ZDHHC3: variants seen among roughly 807,000 people sequenced by gnomAD.
The protein encoded by ZDHHC3 is zDHHC palmitoyltransferase 3.
ZDHHC3 carries 9 observed loss-of-function variants against 30.6 expected under a neutral mutation model. The observed-to-expected ratio is 0.29, with a 90% confidence interval of 0.18 to 0.51. ZDHHC3 has a LOEUF of 0.51. ZDHHC3 is among the 20% of genes least tolerant of loss of function. ZDHHC3 has a pLI of 0.97. For synonymous variants in ZDHHC3, 136 were observed against 140.2 expected, an observed-to-expected ratio of 0.97 and a Z score of 0.21; for missense variants, 246 against 384.2, an observed-to-expected ratio of 0.64 and a Z score of 3.01.
chr3:44,970,728 T>A (rs1705338951), intron 1 of ZDHHC3, among the ~76,000 whole-genome samples: 1 of 152,232 alleles, frequency 6.6e-6, no homozygotes, highest in African/African-American at 2.4e-5. Context: ...AAGTACAGCA[T>A]AAAATTACGA....
At position 44,933,268 on chromosome 3, in the gene ZDHHC3, G is replaced by A. The variant is rs1224657216; in HGVS notation, c.529-69C>T. ...TCTGACCTCACGGGCTCCCGGGACA[G>A]GGGCACTCAGAATTTGCCACTCAGG... On this transcript the variant is annotated intron_variant, in intron 4 of 6. Coordinates refer to ENST00000424952, the MANE Select transcript of ZDHHC3 (RefSeq NM_001135179.2). 6 of 1,479,394 alleles carry A rather than the reference G, an allele frequency of 4.1e-6. No homozygotes were observed. The East Asian group carries it at 9.0e-5, about 22-fold the overall frequency. The allele number at this position is 1,479,394 out of a possible 1,614,324, so 91.6% of individuals were successfully genotyped here.
rs879585412 is a variant in ZDHHC3, at chr3:44,915,886, C to G, written c.*10803G>C. 2 of 152,242 alleles carry G rather than the reference C, an allele frequency of 1.3e-5. No homozygotes were observed. Among genetic ancestry groups the G allele is most frequent in the Admixed American group, 1.3e-4 (2 of 15,290 alleles). 9.4% of individuals were successfully genotyped at this position (152,242 alleles called of 1,614,324 possible). On this transcript the variant is annotated 3_prime_UTR_variant, in exon 7 of 7. Transcript: ENST00000424952. ...CCAGGGGGCAGGCATTGCTTCCTCC[C>G]TAGTGTGAACTCTCTGGTATTCCAT...
At position 44,922,974 on chromosome 3, in the gene ZDHHC3, AAG is replaced by A. The variant is rs1700709946; in HGVS notation, c.*3713_*3714del. 5.1e-6 allele frequency: 5 copies of A among 985,242 alleles called. No homozygotes were observed. Among genetic ancestry groups the A allele is most frequent in the Non-Finnish European group, 6.0e-6 (5 of 829,928 alleles). 61.0% of individuals were successfully genotyped at this position (985,242 alleles called of 1,614,324 possible). Reference sequence around the variant, plus strand: ...AAGCTGATGCACTGCAAGTCTTGAAAAGAGAGAAATTTAAAACCCATTAGCCT... The same window carrying A: ...AAGCTGATGCACTGCAAGTCTTGAAAAGAGAAATTTAAAACCCATTAGCCT... On this transcript the variant is annotated 3_prime_UTR_variant, in exon 7 of 7. Coordinates refer to ENST00000424952, the MANE Select transcript of ZDHHC3 (RefSeq NM_001135179.2).
At chr3:44,968,435 C>T (rs1055380259) in intron 1 of ZDHHC3, among the ~76,000 whole-genome samples, 4 of 152,196 alleles carry the variant, frequency 2.6e-5, no homozygotes, top group Admixed American at 2.6e-4. Context: ...TGGTGGCTCC[C>T]GCCTGTAAGG....
Position 44,959,641 on chromosome 3 carries a change from C to G in ZDHHC3, c.-24-181G>C, listed in dbSNP as rs1203147014. Among the ~76,000 whole-genome samples the G allele has an allele frequency of 6.6e-6, 1 of 152,184 alleles. No individual in the cohort carries two copies. Among genetic ancestry groups the G allele is most frequent in the African/African-American group, 2.4e-5 (1 of 41,442 alleles). On this transcript the variant is annotated intron_variant, in intron 1 of 6. Transcript: ENST00000424952. This position sits in a 1 kb window ranked among gnomAD's most constrained non-coding sequence, Gnocchi z 4.3. ...TCCCTGATTCTGAGAGTCAATTTAG[C>G]CTTCTTGAAACAGGGCCTTCACATG...
At chr3:44,958,002 CT>C (rs892921266) in intron 2 of ZDHHC3, among the ~76,000 whole-genome samples, 1 of 152,172 alleles carries the variant, frequency 6.6e-6, no homozygotes, top group Non-Finnish European at 1.5e-5. Flanking sequence ...TGGGAAAACT[CT>C]TTCATATCCT....
chr3:44,973,162 A>C (rs952158717), intron 1 of ZDHHC3, among the ~76,000 whole-genome samples: 1 of 152,200 alleles, frequency 6.6e-6, no homozygotes, highest in Admixed American at 6.5e-5. Flanking sequence ...ATTAAGATTA[A>C]CTATATAGTT....
rs150426468 is a variant in ZDHHC3 at position 44,921,968 on chromosome 3, G to A, written c.*4721C>T. 1.7e-5 allele frequency: 17 copies of A among 985,388 alleles called. No homozygotes were observed. The Admixed American group carries it at 1.8e-4, about 11-fold the overall frequency. The allele number at this position is 985,388 out of a possible 1,614,324, so 61.0% of individuals were successfully genotyped here. On this transcript the variant is annotated 3_prime_UTR_variant, in exon 7 of 7. Transcript: ENST00000424952. The stretch of plus-strand genomic sequence containing the variant: ...CCTCACTCCTTGGATCAGCTTCATC[G>A]GCTCCTCCTGTGGGCCCAACAGAGC...
intron 1 of ZDHHC3, among the ~76,000 whole-genome samples, chr3:44,971,927 T>C (rs186742410): frequency 1.3e-5 from 2 of 152,306 alleles, no homozygotes; most frequent in South Asian, 2.1e-4. Context: ...ATGGGGTCTA[T>C]GTTGCCCAGG....
Position 44,959,447 on chromosome 3 carries a change from G to A in ZDHHC3, c.-11C>T. The A allele has an allele frequency of 6.2e-7, 1 of 1,606,096 alleles. No homozygotes were observed. The highest frequency in any genetic ancestry group is 8.5e-7 in the Non-Finnish European group (1 of 1,173,648). The stretch of plus-strand genomic sequence containing the variant: ...GGGGATAAGCATCATAAGCTATTCT[G>A]TCCATACTGGCATCTGAAAGAGAGA... On this transcript the variant is annotated 5_prime_UTR_variant, in exon 2 of 7. The change creates a premature stop within an existing upstream ORF in the 5' untranslated region. Coordinates refer to ENST00000424952, the MANE Select transcript of ZDHHC3 (RefSeq NM_001135179.2). The surrounding 1 kb of genome is among the most constrained non-coding windows in gnomAD (Gnocchi z 4.3).
At position 44,918,063 on chromosome 3, in the gene ZDHHC3, C is replaced by T; in HGVS notation, c.*8626G>A. ...GGTTGAACCAGTTCAGGGAGAAGTC[C>T]CCACCAAAGGTCTCCTTTACTGACT... On this transcript the variant is annotated 3_prime_UTR_variant, in exon 7 of 7. Transcript: ENST00000424952. 7.7e-7 allele frequency: 1 copy of T among 1,305,374 alleles called. No individual in the cohort carries two copies. The highest frequency in any genetic ancestry group is 1.0e-6 in the Non-Finnish European group (1 of 988,952). 80.9% of individuals were successfully genotyped at this position (1,305,374 alleles called of 1,614,324 possible).
At chr3:44,932,763 T>C (rs551681210) in intron 5 of ZDHHC3, 3 of 710,132 alleles carry the variant, frequency 4.2e-6, no homozygotes, top group South Asian at 1.7e-5. Flanking sequence ...TTGATTTAAG[T>C]GCCTCATGGA....
At chr3:44,946,598 A>T (rs1702957223) in intron 2 of ZDHHC3, among the ~76,000 whole-genome samples, 1 of 152,318 alleles carries the variant, frequency 6.6e-6, no homozygotes, top group African/African-American at 2.4e-5. Flanking sequence ...GCCAGCAGCC[A>T]ATTAATCAGG....
chr3:44,949,429 G>A (rs1450800394), intron 2 of ZDHHC3, among the ~76,000 whole-genome samples: 10 of 152,164 alleles, frequency 6.6e-5, no homozygotes, highest in Admixed American at 6.5e-4. Flanking sequence ...TTTGAGAGCA[G>A]CCTGGGCAAC....
intron 1 of ZDHHC3, among the ~76,000 whole-genome samples, chr3:44,963,146 T>A (rs1189468852): frequency 2.0e-5 from 3 of 152,192 alleles, no homozygotes; most frequent in Non-Finnish European, 4.4e-5. Context: ...AGTAGGACCA[T>A]GAGGTAAGTG....
rs1293840070 is a variant in ZDHHC3, at chr3:44,956,764, TCCC to T, written c.306+2364_306+2366del. ...GCCCGGACCACTGCAATACCTCTAG[TCCC>T]CCTGCTTCTACTTGTAACACCTTGA... On this transcript the variant is annotated intron_variant, in intron 2 of 6. Transcript: ENST00000424952. Among the ~76,000 whole-genome samples, 44 of 152,040 alleles carry T rather than the reference TCCC, an allele frequency of 2.9e-4. No individual in the cohort carries two copies. The East Asian group carries it at 8.2e-3, about 28-fold the overall frequency.
rs1559650107 is a variant in ZDHHC3 at position 44,925,642 on chromosome 3, C to T, written c.*1047G>A. The T allele has an allele frequency of 2.0e-6, 2 of 985,336 alleles. No individual in the cohort carries two copies. Among genetic ancestry groups the T allele is most frequent in the Non-Finnish European group, 2.4e-6 (2 of 829,950 alleles). The allele number at this position is 985,336 out of a possible 1,614,324, so 61.0% of individuals were successfully genotyped here. On this transcript the variant is annotated 3_prime_UTR_variant, in exon 7 of 7. Transcript: ENST00000424952. ...TGTGAGGTAACCCCAGCATCATGGT[C>T]ATCTCCATGCCAGGACAACAGTCTC...
intron 1 of ZDHHC3, among the ~76,000 whole-genome samples, chr3:44,963,868 T>C (rs2125919334): frequency 6.6e-6 from 1 of 152,284 alleles, no homozygotes; most frequent in South Asian, 2.1e-4. Flanking sequence ...CCTCTCTTTA[T>C]TCAGTTCAAC....
At chr3:44,966,817 T>C (rs564589693) in intron 1 of ZDHHC3, among the ~76,000 whole-genome samples, 1 of 152,326 alleles carries the variant, frequency 6.6e-6, no homozygotes, top group East Asian at 1.9e-4. Context: ...CATGAATCAC[T>C]GTGTTTGAAA....
Sources: allele counts gnomAD v4.1 joint callset (sites outside exome capture counted in the v4.1 genomes callset), GRCh38; gene constraint gnomAD v4.1.1; non-coding constraint Gnocchi (gnomAD v3.1); transcripts MANE v1.5; gene names NCBI Gene and HGNC (gene_info 2026-07-23, HGNC 2026-07-21).